The following DOCK8 variants were observed in gnomAD, a reference collection of about 807,000 sequenced individuals.
DOCK8 encodes the protein dedicator of cytokinesis protein 8.
In DOCK8, 141 loss-of-function variants were observed where a neutral mutation model predicts 245.6. The ratio of observed to expected loss-of-function variants is 0.57; its 90% CI spans 0.50 to 0.66. The LOEUF (loss-of-function observed/expected upper bound fraction) is 0.66, where lower values mean the gene tolerates loss of function less well. Ranked by LOEUF, DOCK8 falls within the 30% of genes least tolerant of loss-of-function variation. The pLI is 0.00. For synonymous variants in DOCK8, 1,168 were observed against 970.2 expected (o/e 1.20, Z -3.79); for missense variants, 2,965 against 2,603.4 (o/e 1.14, Z -3.02).
chr9:427,128 C>A, intron 34 of DOCK8, 147 bp downstream of exon 34: 1 of 717,410 alleles, frequency 1.4e-6, no homozygotes, highest in Non-Finnish European at 2.4e-6. Context: ...TTACTATTTA[C>A]AACAGTGTCT....
chr9:356,444 A>G (rs539479054), intron 14 of DOCK8, among the ~76,000 whole-genome samples: 120 of 151,580 alleles, frequency 7.9e-4, no homozygotes, highest in African/African-American at 2.7e-3. Flanking sequence ...GCAGGAGAAT[A>G]GCGTGAACCC....
chr9:225,016 G>T (rs2046961369), intron 1 of DOCK8, among the ~76,000 whole-genome samples: 1 of 152,148 alleles, frequency 6.6e-6, no homozygotes, highest in African/African-American at 2.4e-5. Flanking sequence ...GATCCCCTTA[G>T]ATGGGGTATC....
chr9:451,209 G>A (rs776828398), intron 45 of DOCK8, among the ~76,000 whole-genome samples: 2 of 152,052 alleles, frequency 1.3e-5, no homozygotes, highest in Non-Finnish European at 2.9e-5. Flanking sequence ...TACTTGGGAG[G>A]CTGAGGCAGG....
chr9:235,542 C>A (rs1407910294), intron 1 of DOCK8, among the ~76,000 whole-genome samples: 2 of 152,212 alleles, frequency 1.3e-5, no homozygotes, highest in African/African-American at 4.8e-5. Context: ...GTGGTGGGCT[C>A]CACCCAGTTC....
At chr9:231,441 C>A (rs138988516) in intron 1 of DOCK8, among the ~76,000 whole-genome samples, 6,440 of 152,170 alleles carry the variant, frequency 0.042, 155 homozygotes, top group Non-Finnish European at 0.063. Context: ...CTGTGAAGAA[C>A]GTCATTGGTA....
chr9:322,840 C>G (rs537922271), intron 7 of DOCK8, among the ~76,000 whole-genome samples: 1 of 152,174 alleles, frequency 6.6e-6, no homozygotes, highest in Non-Finnish European at 1.5e-5. Context: ...CACCTGTAAT[C>G]CCAGTACTTT....
intron 1 of DOCK8, among the ~76,000 whole-genome samples, chr9:259,831 C>G (rs1372666050): frequency 6.6e-6 from 1 of 152,238 alleles, no homozygotes; most frequent in Non-Finnish European, 1.5e-5. Context: ...TCTTCTCTGA[C>G]CAGCTTGTCG....
At chr9:300,579 G>C (rs1296395554) in intron 4 of DOCK8, among the ~76,000 whole-genome samples, 2 of 151,704 alleles carry the variant, frequency 1.3e-5, no homozygotes, top group Non-Finnish European at 2.9e-5. Flanking sequence ...AAAAAACAAG[G>C]TTGATAGATC....
chr9:251,717 A>T (rs1310716605), intron 1 of DOCK8, among the ~76,000 whole-genome samples: 1 of 151,980 alleles, frequency 6.6e-6, no homozygotes, highest in Non-Finnish European at 1.5e-5. Context: ...AGATAATAAT[A>T]CCTCCCTCAT....
chr9:403,964 A>ATATATATGTGTATATATATATATGTG (rs1564021786), intron 26 of DOCK8, among the ~76,000 whole-genome samples: 10 of 75,700 alleles, frequency 1.3e-4, no homozygotes, highest in Non-Finnish European at 2.3e-4. Context: ...ATATATGTAT[A>ATATATATGTGTATATATATATATGTG]TATATATATA....
intron 14 of DOCK8, chr9:365,450 A>G: frequency 2.6e-6 from 1 of 380,632 alleles, no homozygotes; most frequent in East Asian, 7.2e-5. Flanking sequence ...TGTACTTGAT[A>G]AGGTACAGAA....
At chr9:272,159 A>G (rs1297635646) in intron 2 of DOCK8, among the ~76,000 whole-genome samples, 2 of 152,190 alleles carry the variant, frequency 1.3e-5, no homozygotes, top group Non-Finnish European at 2.9e-5. Flanking sequence ...ATATAATAAA[A>G]TTCACACATT....
intron 1 of DOCK8, chr9:215,544 T>G: frequency 4.3e-6 from 5 of 1,173,460 alleles, no homozygotes; most frequent in Non-Finnish European, 5.6e-6. Context: ...CAGAAAGAGC[T>G]TGGCTCCTGG....
intron 5 of DOCK8, among the ~76,000 whole-genome samples, chr9:309,666 A>T (rs1167447574): frequency 6.6e-6 from 1 of 152,092 alleles, no homozygotes; most frequent in Non-Finnish European, 1.5e-5. Context: ...TGAATAGCAA[A>T]TTTTTTCCTT....
intron 2 of DOCK8, chr9:284,238 G>A (rs2048714743): frequency 6.6e-6 from 1 of 152,378 alleles, no homozygotes. Flanking sequence ...CATTTGTCTT[G>A]TGCATAGATG....
In DOCK8 at chr9:451,900, C is replaced by CAT. The variant is rs546408745; in HGVS notation, c.5962-107_5962-106dup. 3.7e-3 allele frequency: 159 copies of CAT among 42,494 alleles called. 2 individuals carry two copies. The highest frequency in any genetic ancestry group is 7.3e-3 in the African/African-American group (143 of 19,516). 2.6% of individuals were successfully genotyped at this position (42,494 alleles called of 1,614,324 possible). On this transcript the variant is annotated intron_variant, in intron 45 of 47. Coordinates refer to ENST00000432829, the MANE Select transcript of DOCK8 (RefSeq NM_203447.4). ...ATATATATACATATATATGCATATA[C>CAT]ATATACATATGCATATACATATATA...
chr9:275,664 C>G (rs1340490167), intron 2 of DOCK8, among the ~76,000 whole-genome samples: 1 of 152,114 alleles, frequency 6.6e-6, no homozygotes, highest in Admixed American at 6.5e-5. Context: ...TCTTGGCTCA[C>G]TGCAACTCCT....
chr9:334,400 G>A lies in DOCK8; in HGVS notation c.1285+16G>A. 6.2e-7 allele frequency: 1 copy of A among 1,610,710 alleles called. No individual in the cohort carries two copies. The highest frequency in any genetic ancestry group is 8.5e-7 in the Non-Finnish European group (1 of 1,177,588). On this transcript the variant is annotated intron_variant, in intron 11 of 47. Transcript: ENST00000432829. ...TCTGTGGTTGGTAAGATTTTCACCTGCAGTGGGAAAGGGAGGGCTCCCCAG... is the reference window on the plus strand; with the variant it reads ...TCTGTGGTTGGTAAGATTTTCACCTACAGTGGGAAAGGGAGGGCTCCCCAG...
intron 2 of DOCK8, among the ~76,000 whole-genome samples, chr9:285,150 A>G (rs2048762864): frequency 1.3e-5 from 2 of 152,118 alleles, no homozygotes; most frequent in South Asian, 2.1e-4. Context: ...TTGCAGCTTC[A>G]TCCTCACTCC....
Sources: allele counts gnomAD v4.1 joint callset (sites outside exome capture counted in the v4.1 genomes callset), GRCh38; gene constraint gnomAD v4.1.1; transcripts MANE v1.5; gene names NCBI Gene and HGNC (gene_info 2026-07-23, HGNC 2026-07-21).